The following AGBL4 variants were observed in gnomAD, a reference collection of about 807,000 sequenced individuals.
AGBL4 encodes the protein AGBL carboxypeptidase 4, also known as cytosolic carboxypeptidase 6.
AGBL4 carries 58 observed loss-of-function variants against 66.4 expected under a neutral mutation model. The observed-to-expected ratio is 0.87, with a 90% CI of 0.71 to 1.09. AGBL4 has a LOEUF of 1.09. Ranked by LOEUF, AGBL4 falls within the 50% of genes least tolerant of loss-of-function variation. The probability of loss-of-function intolerance (pLI) is 0.00; values close to 1 mark genes in which losing one functional copy is unlikely to be tolerated. For synonymous variants in AGBL4, 234 were observed against 222.9 expected (o/e 1.05, Z -0.44); for missense variants, 579 against 631.0 (o/e 0.92, Z 0.88).
intron 6 of AGBL4, among the ~76,000 whole-genome samples, chr1:48,818,835 T>A (rs1019348917): frequency 1.3e-5 from 2 of 152,180 alleles, no homozygotes; most frequent in East Asian, 1.9e-4. Context: ...TTTAAGTTTA[T>A]TTTTTCATGT....
intron 5 of AGBL4, among the ~76,000 whole-genome samples, chr1:48,926,487 C>T (rs1654583999): frequency 1.3e-5 from 2 of 151,128 alleles, no homozygotes; most frequent in Non-Finnish European, 2.9e-5. Flanking sequence ...GGGGGTTTCA[C>T]CATGTTGGCC....
chr1:49,076,245 C>T (rs988368379), intron 4 of AGBL4, among the ~76,000 whole-genome samples: 30 of 152,144 alleles, frequency 2.0e-4, no homozygotes, highest in African/African-American at 4.8e-4. Context: ...AAATTGCAGA[C>T]GCTCAAGTCC....
chr1:49,370,541 C>T lies in AGBL4; in HGVS notation c.283-124677G>A, dbSNP rs1644320615. 2.0e-5 allele frequency among the ~76,000 whole-genome samples: 3 copies of T among 152,102 alleles called. No homozygotes were observed. In the East Asian group the frequency reaches 5.8e-4, roughly 29 times the overall value. On this transcript the variant is annotated intron_variant, in intron 3 of 13. Transcript: ENST00000371839. ...TACTTAAAGTTAATTGATGTTAAAT[C>T]CCAATCACATCTAGAAAATACCTTC...
In AGBL4 at chr1:49,568,818, T is replaced by C. The variant is rs149614604; in HGVS notation, c.282+128495A>G. Among the ~76,000 whole-genome samples, 1,222 of 152,170 alleles carry C rather than the reference T, an allele frequency of 8.0e-3. 15 individuals carry two copies. The highest frequency in any genetic ancestry group is 0.028 in the African/African-American group (1,175 of 41,520). ...ACTGGTACAAAAACACAGAGACCAA[T>C]GGAACAGCACAGATAACTCAGAAAT... On this transcript the variant is annotated intron_variant, in intron 3 of 13. Coordinates refer to ENST00000371839, the MANE Select transcript of AGBL4 (RefSeq NM_032785.4).
At chr1:49,340,389 G>C (rs968651557) in intron 3 of AGBL4, among the ~76,000 whole-genome samples, 2 of 152,066 alleles carry the variant, frequency 1.3e-5, no homozygotes, top group African/African-American at 2.4e-5. Context: ...TTAGCCTCTA[G>C]TGTTAATAAA....
At chr1:48,974,868 C>A (rs747019835) in intron 5 of AGBL4, among the ~76,000 whole-genome samples, 2 of 152,106 alleles carry the variant, frequency 1.3e-5, no homozygotes, top group African/African-American at 2.4e-5. Context: ...GAAACAGATT[C>A]TACCTGTCAG....
At chr1:48,727,555 A>G in intron 6 of AGBL4, 1 of 172,990 alleles carries the variant, frequency 5.8e-6, no homozygotes, top group Non-Finnish European at 1.2e-5. Flanking sequence ...TTATAGAACA[A>G]AATAGAGCAA....
intron 6 of AGBL4, among the ~76,000 whole-genome samples, chr1:48,720,316 A>G (rs1647124524): frequency 6.6e-6 from 1 of 152,218 alleles, no homozygotes; most frequent in African/African-American, 2.4e-5. Context: ...ATGGAGCACA[A>G]AAGATCTCCT....
intron 2 of AGBL4, among the ~76,000 whole-genome samples, chr1:49,807,183 G>A (rs774260613): frequency 1.1e-4 from 16 of 152,128 alleles, no homozygotes; most frequent in Non-Finnish European, 8.8e-5. Context: ...TCCCAGACCA[G>A]TAGAGCCACT....
intron 4 of AGBL4, among the ~76,000 whole-genome samples, chr1:49,057,777 A>C (rs901330495): frequency 7.9e-5 from 12 of 151,952 alleles, no homozygotes; most frequent in African/African-American, 2.9e-4. Flanking sequence ...ACTAGGTTGT[A>C]ATTTGTATGT....
chr1:48,704,078 A>G (rs1303755594), intron 6 of AGBL4, among the ~76,000 whole-genome samples: 1 of 152,244 alleles, frequency 6.6e-6, no homozygotes, highest in Non-Finnish European at 1.5e-5. Context: ...TACTGTACTG[A>G]GTACTACGGG....
At chr1:49,395,390 T>G (rs1234645676) in intron 3 of AGBL4, among the ~76,000 whole-genome samples, 1 of 151,852 alleles carries the variant, frequency 6.6e-6, no homozygotes, top group Non-Finnish European at 1.5e-5. Flanking sequence ...AAATAAGTAT[T>G]GAATGAATGA....
chr1:49,211,215 T>C (rs954527808), intron 4 of AGBL4, among the ~76,000 whole-genome samples: 3 of 152,158 alleles, frequency 2.0e-5, no homozygotes, highest in African/African-American at 7.2e-5. Flanking sequence ...GAAATGTCTC[T>C]CTTATTTTTC....
At chr1:49,813,842 A>C (rs1320999151) in intron 2 of AGBL4, among the ~76,000 whole-genome samples, 1 of 152,132 alleles carries the variant, frequency 6.6e-6, no homozygotes, top group Non-Finnish European at 1.5e-5. Context: ...TCCCCACCCA[A>C]ATCTCATCTT....
At chr1:49,128,494 T>C (rs1416965246) in intron 4 of AGBL4, among the ~76,000 whole-genome samples, 1 of 151,972 alleles carries the variant, frequency 6.6e-6, no homozygotes, top group Non-Finnish European at 1.5e-5. Flanking sequence ...GCAAAATTGG[T>C]CTAAGGATTG....
chr1:49,240,995 C>G (rs540528091), intron 4 of AGBL4, among the ~76,000 whole-genome samples: 11 of 152,076 alleles, frequency 7.2e-5, no homozygotes, highest in African/African-American at 2.6e-4. Flanking sequence ...TCCTCCTTCT[C>G]TTTTACTCTC....
intron 2 of AGBL4, among the ~76,000 whole-genome samples, chr1:49,753,339 G>A (rs1268630540): frequency 6.6e-6 from 1 of 152,152 alleles, no homozygotes; most frequent in African/African-American, 2.4e-5. Context: ...GCTTAGATTG[G>A]CTAAATGTGA....
intron 4 of AGBL4, among the ~76,000 whole-genome samples, chr1:49,097,925 T>C (rs1645136247): frequency 6.6e-6 from 1 of 152,256 alleles, no homozygotes; most frequent in Admixed American, 6.5e-5. Flanking sequence ...TTCTGTTACT[T>C]AGGCACAGTC....
chr1:48,834,694 ATG>A (rs1359927492), intron 6 of AGBL4, among the ~76,000 whole-genome samples: 6 of 152,178 alleles, frequency 3.9e-5, no homozygotes, highest in African/African-American at 1.4e-4. Context: ...TGAGAAATAA[ATG>A]TTTGTTGTTT....
Sources: gnomAD v4.1 joint callset for allele counts (sites outside exome capture counted in the v4.1 genomes callset) on GRCh38, gnomAD v4.1.1 for gene constraint, MANE v1.5 for transcripts, NCBI Gene and HGNC (gene_info 2026-07-23, HGNC 2026-07-21) for gene names.